TAFA1: variants seen among roughly 807,000 people sequenced by gnomAD.
The protein encoded by TAFA1 is TAFA chemokine like family member 1, also known as chemokine-like protein TAFA-1.
In TAFA1, 4 loss-of-function variants were observed where a neutral mutation model predicts 18.5. The observed-to-expected ratio is 0.22, with a 90% CI of 0.11 to 0.49. The LOEUF (loss-of-function observed/expected upper bound fraction) is 0.49, where lower values mean the gene tolerates loss of function less well. TAFA1 is among the 20% of genes least tolerant of loss of function. The probability of loss-of-function intolerance (pLI) is 0.98; values close to 1 mark genes in which losing one functional copy is unlikely to be tolerated. For synonymous variants in TAFA1, 56 were observed against 55.2 expected (o/e 1.01, Z -0.06); for missense variants, 147 against 169.0 (o/e 0.87, Z 0.72).
At chr3:68,439,435 A>G (rs1171863170) in intron 3 of TAFA1, among the ~76,000 whole-genome samples, 1 of 136,328 alleles carries the variant, frequency 7.3e-6, no homozygotes, top group Admixed American at 7.6e-5. Context: ...ATATATATAT[A>G]TATATATATG....
chr3:68,120,225 CTT>C (rs1286323953), intron 2 of TAFA1, among the ~76,000 whole-genome samples: 2 of 125,074 alleles, frequency 1.6e-5, no homozygotes, highest in Non-Finnish European at 3.3e-5. Flanking sequence ...TTCTTTCTTT[CTT>C]TCTTTCTTTC....
At chr3:68,243,549 C>T (rs1198737651) in intron 2 of TAFA1, among the ~76,000 whole-genome samples, 1 of 152,082 alleles carries the variant, frequency 6.6e-6, no homozygotes, top group African/African-American at 2.4e-5. Flanking sequence ...GAAATCATAT[C>T]GTATATACCC....
At chr3:68,424,294 G>C (rs942305458) in intron 3 of TAFA1, among the ~76,000 whole-genome samples, 4 of 151,812 alleles carry the variant, frequency 2.6e-5, no homozygotes, top group African/African-American at 9.7e-5. Flanking sequence ...GTGAGAGAAA[G>C]AAACATACAA....
chr3:68,316,927 G>T (rs561297810), intron 2 of TAFA1, among the ~76,000 whole-genome samples: 12 of 152,186 alleles, frequency 7.9e-5, no homozygotes, highest in African/African-American at 2.6e-4. Flanking sequence ...ATAGCCCAAT[G>T]CCTCCATTAT....
the TAFA1 span, among the ~76,000 whole-genome samples, chr3:67,993,823 T>C: frequency 6.6e-6 from 1 of 152,164 alleles, no homozygotes; most frequent in African/African-American, 2.4e-5. Context: ...GAAGAGAAGT[T>C]TGGAAAATGT....
At chr3:68,346,351 T>TTTCACCCTATCACATGCTAGC in intron 2 of TAFA1, among the ~76,000 whole-genome samples, 1 of 151,938 alleles carries the variant, frequency 6.6e-6, no homozygotes. Context: ...AGAGATAGGG[T>TTTCACCCTATCACATGCTAGC]TTCACCATGT....
In TAFA1 at chr3:68,183,958, A is replaced by G. The variant is rs1003135837; in HGVS notation, c.118+177214A>G. Among the ~76,000 whole-genome samples, 11 of 152,184 alleles carry G rather than the reference A, an allele frequency of 7.2e-5. No individual in the cohort carries two copies. In the East Asian group the frequency reaches 1.9e-3, roughly 27 times the overall value. Reference sequence around the variant, plus strand: ...AGCTAACCTTGGTCTTCTGTAATGCAAAGCTAATATATTCAAAAAGATATT... The same window carrying G: ...AGCTAACCTTGGTCTTCTGTAATGCGAAGCTAATATATTCAAAAAGATATT... On this transcript the variant is annotated intron_variant, in intron 2 of 4. Transcript: ENST00000478136.
chr3:68,232,835 C>A (rs960495059), intron 2 of TAFA1, among the ~76,000 whole-genome samples: 17 of 152,126 alleles, frequency 1.1e-4, no homozygotes, highest in Admixed American at 1.0e-3. Flanking sequence ...AACACCTGGT[C>A]TTGAGTGATC....
chr3:68,072,689 A>G (rs1396830555), intron 2 of TAFA1, among the ~76,000 whole-genome samples: 1 of 152,200 alleles, frequency 6.6e-6, no homozygotes, highest in Non-Finnish European at 1.5e-5. Context: ...CACCACAGAG[A>G]TAAAGCAGAA....
At chr3:68,320,178 A>C (rs1180152388) in intron 2 of TAFA1, among the ~76,000 whole-genome samples, 1 of 152,248 alleles carries the variant, frequency 6.6e-6, no homozygotes, top group African/African-American at 2.4e-5. Flanking sequence ...TATGTTTTAA[A>C]AATGAAGATT....
chr3:68,035,029 C>T (rs1268381145), intron 2 of TAFA1, among the ~76,000 whole-genome samples: 4 of 152,156 alleles, frequency 2.6e-5, no homozygotes, highest in Non-Finnish European at 5.9e-5. Flanking sequence ...GATAGGGCTG[C>T]TCATCCAGTG....
intron 2 of TAFA1, among the ~76,000 whole-genome samples, chr3:68,227,141 G>A (rs1438931147): frequency 6.7e-6 from 1 of 149,238 alleles, no homozygotes; most frequent in African/African-American, 2.4e-5. Flanking sequence ...ATCTCAAAAT[G>A]TCTGTTTTTT....
At chr3:68,198,717 G>A (rs1438192933) in intron 2 of TAFA1, among the ~76,000 whole-genome samples, 1 of 151,114 alleles carries the variant, frequency 6.6e-6, no homozygotes, top group African/African-American at 2.4e-5. Flanking sequence ...TTTTTAATCA[G>A]GTTGTTGATT....
chr3:68,093,755 T>C (rs1048240588), intron 2 of TAFA1, among the ~76,000 whole-genome samples: 2 of 118,364 alleles, frequency 1.7e-5, no homozygotes, highest in Middle Eastern at 3.9e-3. Context: ...CCCCTGAGGA[T>C]TGGCTACCAA....
At chr3:68,180,447 G>T (rs995123827) in intron 2 of TAFA1, among the ~76,000 whole-genome samples, 1 of 152,130 alleles carries the variant, frequency 6.6e-6, no homozygotes, top group South Asian at 2.1e-4. Context: ...GATACTGAAC[G>T]AGAACAGCAT....
intron 2 of TAFA1, among the ~76,000 whole-genome samples, chr3:68,062,854 C>T (rs1405916551): frequency 6.6e-6 from 1 of 152,184 alleles, no homozygotes; most frequent in Non-Finnish European, 1.5e-5. Context: ...GTTACCAATT[C>T]CTTTTCTGGG....
At chr3:68,030,912 T>C (rs768878561) in intron 2 of TAFA1, among the ~76,000 whole-genome samples, 4 of 152,326 alleles carry the variant, frequency 2.6e-5, no homozygotes, top group South Asian at 4.1e-4. Context: ...GTCCCCTTTT[T>C]AGTGGTTTTA....
intron 2 of TAFA1, among the ~76,000 whole-genome samples, chr3:68,113,781 T>C (rs1575623140): frequency 6.6e-6 from 1 of 152,046 alleles, no homozygotes. Flanking sequence ...CCTTTATCCA[T>C]ACTTTTTGTG....
At chr3:68,127,613 T>A (rs1466814280) in intron 2 of TAFA1, among the ~76,000 whole-genome samples, 1 of 106,662 alleles carries the variant, frequency 9.4e-6, no homozygotes, top group Non-Finnish European at 2.0e-5. Context: ...GTGGTGGTGG[T>A]GGTGTGATGA....
Sources: gnomAD v4.1 joint callset for allele counts (sites outside exome capture counted in the v4.1 genomes callset) on GRCh38, gnomAD v4.1.1 for gene constraint, MANE v1.5 for transcripts, NCBI Gene and HGNC (gene_info 2026-07-23, HGNC 2026-07-21) for gene names.